Variants in TMEM238L observed in about 807,000 individuals in gnomAD.
TMEM238L encodes transmembrane protein 238 like.
At chr17:10,797,172 G>A (rs1456605226) in intron 1 of TMEM238L, among the ~76,000 whole-genome samples, 2 of 152,026 alleles carry the variant, frequency 1.3e-5, no homozygotes, top group Non-Finnish European at 2.9e-5. Context: ...CCATTATGCT[G>A]GGCAAGTTAC....
chr17:10,799,873 C>T (rs1218246230), intron 1 of TMEM238L, among the ~76,000 whole-genome samples: 1 of 152,042 alleles, frequency 6.6e-6, no homozygotes, highest in Admixed American at 6.5e-5. Flanking sequence ...TCACCCCAGG[C>T]CCAATTCCCT....
intron 1 of TMEM238L, among the ~76,000 whole-genome samples, chr17:10,801,876 G>C (rs1904758424): frequency 6.6e-6 from 1 of 151,928 alleles, no homozygotes. Context: ...GTGCCTCCTG[G>C]GCTCCAGCAA....
Position 10,803,960 on chromosome 17 carries a change from G to A in TMEM238L, c.4C>T (p.Leu2Phe), listed in dbSNP as rs956893742. 8 of 399,208 alleles carry A rather than the reference G, an allele frequency of 2.0e-5. No homozygotes were observed. In the Admixed American group the frequency reaches 3.1e-4, roughly 15 times the overall value. 24.7% of individuals were successfully genotyped at this position (399,208 alleles called of 1,614,324 possible). The change falls in exon 1 of 2, where the codon CTC (leucine) becomes TTC (phenylalanine). Residue 2 changes from leucine (L) to phenylalanine (F), a missense_variant. Transcript: ENST00000581851. ...CATCTTCCCCACAGACTCCCCAGGA[G>A]CATTGCCCAGGAGGAGCGGGAGGAG...
At chr17:10,803,719 C>G in exon 1 of TMEM238L, 1 of 399,430 alleles carries the variant, frequency 2.5e-6, no homozygotes. Flanking sequence ...CTTCCCATGG[C>G]CAAATTACAG....
rs566763700 is a variant in TMEM238L at position 10,801,082 on chromosome 17, G to C, written c.*118+2524C>G. 1.1e-4 allele frequency among the ~76,000 whole-genome samples: 16 copies of C among 147,800 alleles called. No homozygotes were observed. The East Asian group carries it at 3.2e-3, about 29-fold the overall frequency. ...TTTTTTTTTTTTGAGACGGAGTCTC[G>C]CTCTGTCACCCAGGCTGGAGTGCAG... is the stretch of plus-strand genomic sequence containing the variant. On this transcript the variant is annotated intron_variant, in intron 1 of 1. Coordinates refer to ENST00000581851, the Ensembl canonical transcript of TMEM238L.
chr17:10,800,597 C>T (rs762165462), intron 1 of TMEM238L, among the ~76,000 whole-genome samples: 12 of 152,170 alleles, frequency 7.9e-5, no homozygotes, highest in Admixed American at 2.0e-4. Flanking sequence ...TCGTGACTGA[C>T]GCTTTATTTA....
intron 1 of TMEM238L, among the ~76,000 whole-genome samples, chr17:10,797,121 A>G (rs1904574041): frequency 6.6e-6 from 1 of 152,178 alleles, no homozygotes; most frequent in Non-Finnish European, 1.5e-5. Context: ...ACAGGGTCAG[A>G]TATACCTGGT....
intron 1 of TMEM238L, among the ~76,000 whole-genome samples, chr17:10,798,491 G>A (rs1485355230): frequency 1.3e-5 from 2 of 152,178 alleles, no homozygotes; most frequent in Non-Finnish European, 2.9e-5. Flanking sequence ...CTCCTCTGTG[G>A]GCAGAGGGGA....
Position 10,795,750 on chromosome 17 carries a change from G to C in TMEM238L, c.*317C>G, listed in dbSNP as rs1315968215. On this transcript the variant is annotated 3_prime_UTR_variant, in exon 2 of 2. Transcript: ENST00000581851. ...AGCTGGCACAACAGCAGCGATGTCA[G>C]ATCTGGTGCAGGGATGCTGGGCTTG... is the stretch of plus-strand genomic sequence containing the variant. 3 of 152,382 alleles carry C rather than the reference G, an allele frequency of 2.0e-5. No homozygotes were observed. In the East Asian group the frequency reaches 5.8e-4, roughly 29 times the overall value. 9.4% of individuals were successfully genotyped at this position (152,382 alleles called of 1,614,324 possible).
Position 10,800,029 on chromosome 17 carries a change from C to T in TMEM238L, c.*118+3577G>A, listed in dbSNP as rs565161120. Among the ~76,000 whole-genome samples, 60 of 151,586 alleles carry T rather than the reference C, an allele frequency of 4.0e-4. 1 individual carries two copies. Among genetic ancestry groups the T allele is most frequent in the African/African-American group, 1.2e-3 (48 of 41,284 alleles). ...TCACTGCAAGCTCCGCCTCCCGGGT[C>T]CACGCCATTCTCCTGCCTCAGCCTC... On this transcript the variant is annotated intron_variant, in intron 1 of 1. Transcript: ENST00000581851.
intron 1 of TMEM238L, among the ~76,000 whole-genome samples, chr17:10,802,674 G>A (rs1006924140): frequency 6.6e-6 from 1 of 152,180 alleles, no homozygotes; most frequent in Non-Finnish European, 1.5e-5. Flanking sequence ...AGAAACGGGA[G>A]TGCCTGGATA....
intron 1 of TMEM238L, chr17:10,797,876 A>C (rs187839296): frequency 6.9e-4 from 105 of 152,168 alleles, no homozygotes; most frequent in African/African-American, 2.4e-3. Context: ...TCTGCACACG[A>C]TGCTCAGTTA....
chr17:10,801,651 A>G lies in TMEM238L; in HGVS notation c.*118+1955T>C, dbSNP rs919115578. On this transcript the variant is annotated intron_variant, in intron 1 of 1. Coordinates refer to ENST00000581851, the Ensembl canonical transcript of TMEM238L. ...TTTCTCTATTGAATATTCTTGTGGC[A>G]GGATGCTCCTCTCCTTCCTAGAGCA... Among the ~76,000 whole-genome samples, 17 of 152,278 alleles carry G rather than the reference A, an allele frequency of 1.1e-4. 1 individual carries two copies. The highest frequency in any genetic ancestry group is 8.5e-4 in the Admixed American group (13 of 15,298).
At chr17:10,800,272 C>T (rs1413650711) in intron 1 of TMEM238L, among the ~76,000 whole-genome samples, 1 of 152,096 alleles carries the variant, frequency 6.6e-6, no homozygotes, top group Non-Finnish European at 1.5e-5. Context: ...TAAAATGATT[C>T]GCCCAAGGCC....
At position 10,800,934 on chromosome 17, in the gene TMEM238L, G is replaced by A. The variant is rs1034542168; in HGVS notation, c.*118+2672C>T. Among the ~76,000 whole-genome samples, 19 of 152,258 alleles carry A rather than the reference G, an allele frequency of 1.2e-4. 1 individual carries two copies. The highest frequency in any genetic ancestry group is 9.2e-4 in the Admixed American group (14 of 15,284). On this transcript the variant is annotated intron_variant, in intron 1 of 1. Coordinates refer to ENST00000581851, the Ensembl canonical transcript of TMEM238L. The stretch of plus-strand genomic sequence containing the variant: ...TTGGCTCCCCAAATGGGTTTCAGCC[G>A]GTAATAATCATAACCATAATAACCT...
intron 1 of TMEM238L, among the ~76,000 whole-genome samples, chr17:10,801,121 G>A (rs1475123402): frequency 6.6e-6 from 1 of 151,530 alleles, no homozygotes; most frequent in African/African-American, 2.4e-5. Context: ...TGCGATCTCG[G>A]CTCACTGCAA....
intron 1 of TMEM238L, among the ~76,000 whole-genome samples, chr17:10,801,646 G>A (rs1470618504): frequency 6.6e-6 from 1 of 152,064 alleles, no homozygotes; most frequent in African/African-American, 2.4e-5. Flanking sequence ...GAATATTCTT[G>A]TGGCAGGATG....
intron 1 of TMEM238L, among the ~76,000 whole-genome samples, chr17:10,798,594 A>C (rs571540957): frequency 6.6e-6 from 1 of 151,464 alleles, no homozygotes; most frequent in East Asian, 2.0e-4. Flanking sequence ...TTGGTGTGAG[A>C]GTGGGTGTGT....
In TMEM238L at chr17:10,796,282, A is replaced by G. The variant is rs1904540625; in HGVS notation, c.*119-334T>C. Among the ~76,000 whole-genome samples the G allele has an allele frequency of 1.3e-5, 2 of 152,208 alleles. 1 individual carries two copies. Among genetic ancestry groups the G allele is most frequent in the Admixed American group, 1.3e-4 (2 of 15,278 alleles). On this transcript the variant is annotated intron_variant, in intron 1 of 1. Transcript: ENST00000581851. Reference sequence around the variant, plus strand: ...TTACCCTTCCTTGCAGGCAAAGCCGATGCCTACCTCTCTCTGCTCTCTGGA... The same window carrying G: ...TTACCCTTCCTTGCAGGCAAAGCCGGTGCCTACCTCTCTCTGCTCTCTGGA...
Sources: gnomAD v4.1 joint callset for allele counts (sites outside exome capture counted in the v4.1 genomes callset) on GRCh38, gnomAD v4.1.1 for gene constraint, MANE v1.5 for transcripts, NCBI Gene and HGNC (gene_info 2026-07-23, HGNC 2026-07-21) for gene names.